ZNF521: variants seen among roughly 807,000 people sequenced by gnomAD.
ZNF521 encodes the protein LYST-interacting protein 3.
In ZNF521, 14 loss-of-function variants were observed where a neutral mutation model predicts 105.5. That is an observed-to-expected ratio of 0.13 (90% CI 0.09 to 0.21). The LOEUF is 0.21. Among genes scored for constraint, ZNF521 ranks in the 10% least tolerant of loss-of-function variants. ZNF521 has a pLI of 1.00. For missense variants in ZNF521, 1,233 were observed against 1,629.7 expected, an observed-to-expected ratio of 0.76 and a Z score of 4.19; for synonymous variants, 635 against 606.0, an observed-to-expected ratio of 1.05 and a Z score of -0.70.
intron 5 of ZNF521, among the ~76,000 whole-genome samples, chr18:25,142,710 TG>T (rs2034872214): frequency 6.6e-6 from 1 of 151,850 alleles, no homozygotes; most frequent in Non-Finnish European, 1.5e-5. Context: ...TGTTGAAATT[TG>T]ATTTTTTTTT....
At chr18:25,103,553 C>G (rs1304684536) in intron 5 of ZNF521, among the ~76,000 whole-genome samples, 1 of 152,108 alleles carries the variant, frequency 6.6e-6, no homozygotes, top group African/African-American at 2.4e-5. Context: ...GAAAATAGGT[C>G]AGCTCAATAT....
chr18:25,138,469 C>A (rs1342914588), intron 5 of ZNF521, among the ~76,000 whole-genome samples: 2 of 144,222 alleles, frequency 1.4e-5, no homozygotes, highest in African/African-American at 5.2e-5. Flanking sequence ...GGGAAATTAA[C>A]CAGCTGGTGT....
intron 3 of ZNF521, among the ~76,000 whole-genome samples, chr18:25,234,227 T>C (rs1192132395): frequency 2.0e-5 from 3 of 152,224 alleles, no homozygotes; most frequent in Non-Finnish European, 4.4e-5. Context: ...ATTACACATC[T>C]GTTTACAGTG....
At chr18:25,139,372 CAAAAAAAAAAAA>C (rs36175281) in intron 5 of ZNF521, among the ~76,000 whole-genome samples, 8 of 51,388 alleles carry the variant, frequency 1.6e-4, no homozygotes, top group African/African-American at 3.7e-4. Flanking sequence ...GACTCTGTCT[CAAAAAAAAAAAA>C]AAAAAAAAAA....
chr18:25,212,565 A>ATATATATATATATATGTG (rs1227568202), intron 4 of ZNF521, among the ~76,000 whole-genome samples: 1 of 112,868 alleles, frequency 8.9e-6, no homozygotes, highest in African/African-American at 3.6e-5. Context: ...ATATATATAT[A>ATATATATATATATATGTG]TGTATAGAAA....
At chr18:25,099,603 GTC>G (rs1384334487) in intron 5 of ZNF521, among the ~76,000 whole-genome samples, 9 of 152,128 alleles carry the variant, frequency 5.9e-5, no homozygotes, top group African/African-American at 2.2e-4. Context: ...TCATAGAGAA[GTC>G]TCTATACCGT....
chr18:25,224,896 G>C lies in ZNF521; in HGVS notation c.3022C>G (p.Gln1008Glu). ...GAATTCCTCAAGTCAGGGTGCATTT[G>C]GCAATGCTCTAAAAACTCCTCTTCA... ...QSEEEFLEHC[Q>E]MHPDLRNSLT... The change falls in exon 4 of 8, where the codon CAA becomes GAA. Residue 1008 changes from glutamine to glutamate, a missense_variant. Gln to Glu is a conservative substitution (Grantham distance 29). Transcript: ENST00000361524. 1 of 1,613,948 alleles carries C rather than the reference G, an allele frequency of 6.2e-7. No homozygotes were observed. Among genetic ancestry groups the C allele is most frequent in the Non-Finnish European group, 8.5e-7 (1 of 1,180,016 alleles).
intron 2 of ZNF521, among the ~76,000 whole-genome samples, chr18:25,336,260 G>T (rs1417129867): frequency 2.0e-5 from 3 of 152,182 alleles, no homozygotes; most frequent in Non-Finnish European, 2.9e-5. Flanking sequence ...CAAATTTACT[G>T]ATGACTGAGG....
chr18:25,106,784 C>T (rs2144280107), intron 5 of ZNF521, among the ~76,000 whole-genome samples: 1 of 152,154 alleles, frequency 6.6e-6, no homozygotes, highest in East Asian at 1.9e-4. Context: ...AGGGTTTGAG[C>T]TTGGTTAGTA....
intron 5 of ZNF521, among the ~76,000 whole-genome samples, chr18:25,145,206 T>G (rs538137867): frequency 6.6e-6 from 1 of 152,320 alleles, no homozygotes; most frequent in South Asian, 2.1e-4. Context: ...CTATGTGTTC[T>G]CTTAACTACA....
At chr18:25,123,708 A>C (rs2034486710) in intron 5 of ZNF521, among the ~76,000 whole-genome samples, 1 of 152,206 alleles carries the variant, frequency 6.6e-6, no homozygotes, top group Non-Finnish European at 1.5e-5. Context: ...ATAAAAATAC[A>C]CTTTCTAATA....
intron 7 of ZNF521, among the ~76,000 whole-genome samples, chr18:25,087,642 A>G (rs1466301964): frequency 1.3e-5 from 2 of 152,248 alleles, no homozygotes; most frequent in East Asian, 3.8e-4. Context: ...AAAATGACTT[A>G]TGCTTTGATA....
intron 3 of ZNF521, among the ~76,000 whole-genome samples, chr18:25,229,461 G>C (rs2144749999): frequency 6.6e-6 from 1 of 152,210 alleles, no homozygotes; most frequent in African/African-American, 2.4e-5. Flanking sequence ...GGGTCTGATG[G>C]ATGTGGATGT....
chr18:25,264,619 T>A (rs1395908556), intron 3 of ZNF521, among the ~76,000 whole-genome samples: 3 of 152,200 alleles, frequency 2.0e-5, no homozygotes, highest in African/African-American at 7.2e-5. Flanking sequence ...TTTGTCAAGA[T>A]CTCATTCCTC....
At chr18:25,237,524 C>T (rs1488500198) in intron 3 of ZNF521, among the ~76,000 whole-genome samples, 1 of 151,988 alleles carries the variant, frequency 6.6e-6, no homozygotes, top group Non-Finnish European at 1.5e-5. Flanking sequence ...CCTCAAAAAC[C>T]CCATGATACC....
intron 4 of ZNF521, among the ~76,000 whole-genome samples, chr18:25,209,674 T>C (rs1600157200): frequency 6.6e-6 from 1 of 152,206 alleles, no homozygotes; most frequent in East Asian, 1.9e-4. Context: ...CAATTTTTAC[T>C]TGACTTAAAT....
At chr18:25,230,373 G>T (rs1906454632) in intron 3 of ZNF521, among the ~76,000 whole-genome samples, 1 of 152,152 alleles carries the variant, frequency 6.6e-6, no homozygotes, top group African/African-American at 2.4e-5. Context: ...AGAACACACA[G>T]GGACTCACTA....
At chr18:25,341,641 TA>T (rs1490339181) in intron 2 of ZNF521, among the ~76,000 whole-genome samples, 1 of 152,186 alleles carries the variant, frequency 6.6e-6, no homozygotes, top group Non-Finnish European at 1.5e-5. Flanking sequence ...TAGCAATTCT[TA>T]AAAAGTATAG....
At position 25,225,655 on chromosome 18, in the gene ZNF521, T is replaced by C; in HGVS notation, c.2263A>G (p.Thr755Ala). 1 of 1,614,164 alleles carries C rather than the reference T, an allele frequency of 6.2e-7. No homozygotes were observed. The highest frequency in any genetic ancestry group is 8.5e-7 in the Non-Finnish European group (1 of 1,180,016). ...TTGCGGAAGTCCCAGTTGCAAGATG[T>C]GCACCTATAGACTTTCTTTTCGTTA... ...HSNEKKVYRC[T>A]SCNWDFRNET... Residue 755 changes from threonine (T) to alanine (A), a missense_variant, in exon 4 of 8, where the codon ACA becomes GCA. Thr to Ala is a moderately conservative substitution (Grantham distance 58, BLOSUM62 0). Coordinates refer to ENST00000361524, the MANE Select transcript of ZNF521 (RefSeq NM_015461.3). This position sits in a 1 kb window ranked among gnomAD's most constrained non-coding sequence, Gnocchi z 5.6.
Sources: allele counts gnomAD v4.1 joint callset (sites outside exome capture counted in the v4.1 genomes callset), GRCh38; gene constraint gnomAD v4.1.1; non-coding constraint Gnocchi (gnomAD v3.1); transcripts MANE v1.5; gene names NCBI Gene and HGNC (gene_info 2026-07-23, HGNC 2026-07-21).